Variants in NEGR1 observed in about 807,000 individuals in gnomAD.
The protein encoded by NEGR1 is IgLON family member 4.
A neutral mutation model predicts 40.9 loss-of-function variants in NEGR1; 10 were observed. The ratio of observed to expected loss-of-function variants is 0.24; its 90% CI spans 0.15 to 0.42. The LOEUF (loss-of-function observed/expected upper bound fraction) is 0.42, where lower values mean the gene tolerates loss of function less well. Ranked by LOEUF, NEGR1 falls within the 10% of genes least tolerant of loss-of-function variation. NEGR1 has a pLI of 1.00. For synonymous variants in NEGR1, 185 were observed against 166.8 expected, an observed-to-expected ratio of 1.11 and a Z score of -0.84; for missense variants, 352 against 438.9, an observed-to-expected ratio of 0.80 and a Z score of 1.77.
intron 1 of NEGR1, among the ~76,000 whole-genome samples, chr1:72,219,530 C>T (rs1570137400): frequency 1.3e-5 from 2 of 151,914 alleles, no homozygotes; most frequent in African/African-American, 2.4e-5. Context: ...ATATCCATGT[C>T]TGCCATGGGA....
In NEGR1 at chr1:71,423,867, T is replaced by G. The variant is rs531077769; in HGVS notation, c.941-16297A>C. 3.8e-4 allele frequency among the ~76,000 whole-genome samples: 57 copies of G among 150,906 alleles called. 1 individual carries two copies. The highest frequency in any genetic ancestry group is 1.9e-4 in the Non-Finnish European group (13 of 67,716). ...TCAAAATTAGTTGCATTCAGAACAT[T>G]TTGAGTATAAAGAATTAAGACCTTC... On this transcript the variant is annotated intron_variant, in intron 6 of 6. Transcript: ENST00000357731.
chr1:71,987,016 A>G (rs948590242), intron 1 of NEGR1, among the ~76,000 whole-genome samples: 3 of 152,112 alleles, frequency 2.0e-5, no homozygotes, highest in East Asian at 1.9e-4. Context: ...AAAATTTGGT[A>G]CTCTAAAAGC....
At chr1:71,902,894 C>A (rs1331911499) in intron 2 of NEGR1, among the ~76,000 whole-genome samples, 1 of 151,776 alleles carries the variant, frequency 6.6e-6, no homozygotes, top group Non-Finnish European at 1.5e-5. Flanking sequence ...TTTACTTTAA[C>A]TGGATGAGCT....
intron 1 of NEGR1, among the ~76,000 whole-genome samples, chr1:72,213,006 G>C (rs1272804481): frequency 6.6e-6 from 1 of 151,866 alleles, no homozygotes; most frequent in East Asian, 1.9e-4. Flanking sequence ...TTATGGAGTA[G>C]GGGTGAGAAG....
intron 1 of NEGR1, among the ~76,000 whole-genome samples, chr1:72,167,057 T>C (rs1049596629): frequency 6.6e-6 from 1 of 152,122 alleles, no homozygotes; most frequent in East Asian, 1.9e-4. Context: ...TCCCTGAAGG[T>C]ACAGAGATAA....
intron 6 of NEGR1, among the ~76,000 whole-genome samples, chr1:71,510,831 TC>T (rs1647068525): frequency 6.6e-6 from 1 of 152,302 alleles, no homozygotes; most frequent in African/African-American, 2.4e-5. Context: ...CCAGGTCCAT[TC>T]TTTGGGTTTG....
intron 6 of NEGR1, among the ~76,000 whole-genome samples, chr1:71,560,447 A>G (rs1406593674): frequency 2.5e-5 from 3 of 119,696 alleles, no homozygotes; most frequent in African/African-American, 6.1e-5. Context: ...ATATATATAT[A>G]TGTATATATA....
At chr1:72,089,543 AAG>A (rs1256013511) in intron 1 of NEGR1, among the ~76,000 whole-genome samples, 1 of 152,344 alleles carries the variant, frequency 6.6e-6, no homozygotes, top group Non-Finnish European at 1.5e-5. Flanking sequence ...CTGTAGAAAA[AAG>A]AGTTAATTTT....
At chr1:71,896,933 A>G (rs1403779715) in intron 2 of NEGR1, among the ~76,000 whole-genome samples, 2 of 152,160 alleles carry the variant, frequency 1.3e-5, no homozygotes, top group African/African-American at 4.8e-5. Context: ...TGAAGCTTGG[A>G]GAGGCCAAGT....
chr1:71,909,289 G>A (rs960896907), intron 2 of NEGR1, among the ~76,000 whole-genome samples: 9 of 152,082 alleles, frequency 5.9e-5, no homozygotes, highest in African/African-American at 2.2e-4. Flanking sequence ...CTCTCATCAA[G>A]TATTCCATAT....
intron 2 of NEGR1, among the ~76,000 whole-genome samples, chr1:71,820,783 T>A (rs1359548623): frequency 6.6e-6 from 1 of 151,938 alleles, no homozygotes; most frequent in Non-Finnish European, 1.5e-5. Context: ...CGAATCAAAA[T>A]CACTATTTAA....
chr1:71,417,047 G>A (rs2101271414), intron 6 of NEGR1, among the ~76,000 whole-genome samples: 1 of 152,278 alleles, frequency 6.6e-6, no homozygotes, highest in Non-Finnish European at 1.5e-5. Context: ...CAGGTATTCT[G>A]ATTCTCTGTG....
At chr1:71,467,173 T>A (rs1646752702) in intron 6 of NEGR1, among the ~76,000 whole-genome samples, 1 of 152,078 alleles carries the variant, frequency 6.6e-6, no homozygotes, top group African/African-American at 2.4e-5. Context: ...GGCTCAAAGC[T>A]GAAGGTTGGA....
At chr1:71,953,462 T>C (rs1034901294) in intron 1 of NEGR1, among the ~76,000 whole-genome samples, 1 of 151,946 alleles carries the variant, frequency 6.6e-6, no homozygotes. Flanking sequence ...TATCTACCCC[T>C]GGGGTAACTG....
intron 6 of NEGR1, among the ~76,000 whole-genome samples, chr1:71,449,953 T>C (rs1483817308): frequency 6.6e-6 from 1 of 151,932 alleles, no homozygotes; most frequent in Non-Finnish European, 1.5e-5. Flanking sequence ...TTGTCTTTTA[T>C]TTTCACCAAT....
chr1:71,689,653 A>C (rs973235393), intron 4 of NEGR1, among the ~76,000 whole-genome samples: 3 of 152,032 alleles, frequency 2.0e-5, no homozygotes, highest in Non-Finnish European at 2.9e-5. Flanking sequence ...AATGTTTCCA[A>C]GGTGACTGAA....
At chr1:72,044,258 A>G (rs1646981309) in intron 1 of NEGR1, among the ~76,000 whole-genome samples, 1 of 151,444 alleles carries the variant, frequency 6.6e-6, no homozygotes, top group African/African-American at 2.4e-5. Flanking sequence ...ATTCCTACCA[A>G]AGAAAAAGCC....
chr1:72,219,289 G>C (rs978800773), intron 1 of NEGR1, among the ~76,000 whole-genome samples: 1 of 151,972 alleles, frequency 6.6e-6, no homozygotes, highest in African/African-American at 2.4e-5. Flanking sequence ...ATAATAAACA[G>C]TGATGGTAAA....
intron 1 of NEGR1, among the ~76,000 whole-genome samples, chr1:72,145,641 G>T (rs1163116827): frequency 6.6e-6 from 1 of 151,976 alleles, no homozygotes; most frequent in African/African-American, 2.4e-5. Flanking sequence ...ATAGGTAAGC[G>T]GCATTTAGTT....
Sources: gnomAD v4.1 joint callset for allele counts (sites outside exome capture counted in the v4.1 genomes callset) on GRCh38, gnomAD v4.1.1 for gene constraint, MANE v1.5 for transcripts, NCBI Gene and HGNC (gene_info 2026-07-23, HGNC 2026-07-21) for gene names.